Variants in MAGI1 observed in about 807,000 individuals in gnomAD.
The protein encoded by MAGI1 is membrane-associated guanylate kinase, WW and PDZ domain-containing protein 1.
In MAGI1, 58 loss-of-function variants were observed where a neutral mutation model predicts 139.9. That is an observed-to-expected ratio of 0.41 (90% CI 0.34 to 0.52). MAGI1 has a LOEUF of 0.52. MAGI1 is among the 20% of genes least tolerant of loss of function. The probability of loss-of-function intolerance (pLI) is 0.12; values close to 1 mark genes in which losing one functional copy is unlikely to be tolerated. For missense variants in MAGI1, 1,874 were observed against 1,901.6 expected (o/e 0.99, Z 0.27); for synonymous variants, 812 against 737.9 (o/e 1.10, Z -1.63).
At chr3:65,853,838 C>T (rs912710186) in intron 1 of MAGI1, among the ~76,000 whole-genome samples, 1 of 152,158 alleles carries the variant, frequency 6.6e-6, no homozygotes, top group Non-Finnish European at 1.5e-5. Context: ...GGTGTGGTGG[C>T]TCACATCTAT....
chr3:65,401,368 A>ACCCAGCCCCCCC, intron 13 of MAGI1, 71 bp downstream of exon 13: 1 of 1,323,564 alleles, frequency 7.6e-7, no homozygotes, highest in Non-Finnish European at 1.1e-6. Flanking sequence ...CACACAGAGT[A>ACCCAGCCCCCCC]CCCTCCCACC....
chr3:65,664,561 C>T (rs1466972800), intron 1 of MAGI1, among the ~76,000 whole-genome samples: 2 of 152,164 alleles, frequency 1.3e-5, no homozygotes, highest in Non-Finnish European at 2.9e-5. Flanking sequence ...TTTCTCATTC[C>T]AGTTTCTGTG....
At chr3:66,019,118 G>A (rs2067829519) in intron 1 of MAGI1, among the ~76,000 whole-genome samples, 1 of 152,160 alleles carries the variant, frequency 6.6e-6, no homozygotes, top group Non-Finnish European at 1.5e-5. Context: ...GCTCTCAAGT[G>A]ATTACACTCC....
chr3:65,422,675 A>G (rs1054250185), intron 12 of MAGI1, among the ~76,000 whole-genome samples: 3 of 152,192 alleles, frequency 2.0e-5, no homozygotes, highest in African/African-American at 7.2e-5. Context: ...GGTATAGTAC[A>G]TAAGAAAGAT....
At chr3:65,707,141 C>G (rs2030456816) in intron 1 of MAGI1, among the ~76,000 whole-genome samples, 1 of 152,212 alleles carries the variant, frequency 6.6e-6, no homozygotes, top group Non-Finnish European at 1.5e-5. Context: ...TTCCCAAAGT[C>G]TGACCAAACC....
At chr3:65,867,948 G>A (rs2059788078) in intron 1 of MAGI1, among the ~76,000 whole-genome samples, 1 of 152,076 alleles carries the variant, frequency 6.6e-6, no homozygotes, top group Admixed American at 6.5e-5. Flanking sequence ...TCCCAAAAGT[G>A]CCTCCTTGTA....
Position 65,439,898 on chromosome 3 carries a change from C to CTGCTGCTGCTGCTGCTGT in MAGI1, c.1233_1250dup (p.Gln416_Gln421dup). ...GCCAACCTTCTGTCTGCTGCTGCTG[C>CTGCTGCTGCTGCTGCTGT]TGCTGCTGCTGCTGCTGTTGCTGCT... On this transcript the variant is annotated inframe_insertion, in exon 9 of 23. Transcript: ENST00000402939. The CTGCTGCTGCTGCTGCTGT allele has an allele frequency of 2.5e-6, 4 of 1,609,086 alleles. No homozygotes were observed. The highest frequency in any genetic ancestry group is 2.2e-5 in the East Asian group (1 of 44,568).
At chr3:65,930,766 C>G (rs2062770000) in intron 1 of MAGI1, among the ~76,000 whole-genome samples, 1 of 152,078 alleles carries the variant, frequency 6.6e-6, no homozygotes, top group South Asian at 2.1e-4. Context: ...TCATTATATG[C>G]TTATTATAAT....
At position 65,519,335 on chromosome 3, in the gene MAGI1, GACAC is replaced by G. The variant is rs35232258; in HGVS notation, c.431-25708_431-25705del. Among the ~76,000 whole-genome samples the G allele has an allele frequency of 8.1e-3, 1,134 of 139,192 alleles. 13 individuals carry two copies. Among genetic ancestry groups the G allele is most frequent in the African/African-American group, 0.028 (1,021 of 36,408 alleles). The allele number at this position is 139,192 out of a possible 152,430, so 91.3% of individuals were successfully genotyped here. A position where few individuals can be genotyped will look rare whatever the true frequency, so the allele number is the denominator to read the frequency against. On this transcript the variant is annotated intron_variant, in intron 2 of 22. Transcript: ENST00000402939. The stretch of plus-strand genomic sequence containing the variant: ...TTTCATCACAGGAGTATCATGATCT[GACAC>G]ACACACACACACACACACACACACA...
intron 1 of MAGI1, among the ~76,000 whole-genome samples, chr3:66,037,345 G>A (rs1576548351): frequency 6.6e-6 from 1 of 151,992 alleles, no homozygotes; most frequent in East Asian, 1.9e-4. Flanking sequence ...GGTAAACTTG[G>A]ACCCGATTCG....
intron 5 of MAGI1, among the ~76,000 whole-genome samples, chr3:65,457,563 A>T (rs1949484899): frequency 6.6e-6 from 1 of 152,154 alleles, no homozygotes; most frequent in African/African-American, 2.4e-5. Flanking sequence ...TGACACCTGT[A>T]TTATTTTTTT....
intron 2 of MAGI1, among the ~76,000 whole-genome samples, chr3:65,548,291 C>A (rs960102289): frequency 2.0e-5 from 3 of 152,104 alleles, no homozygotes; most frequent in African/African-American, 4.8e-5. Context: ...CTTCCGCCCA[C>A]AGATGAAGCA....
chr3:65,758,618 CATT>C (rs1188125488), intron 1 of MAGI1, among the ~76,000 whole-genome samples: 1 of 152,094 alleles, frequency 6.6e-6, no homozygotes, highest in Non-Finnish European at 1.5e-5. Flanking sequence ...CGTCTGGAGA[CATT>C]ATTGGTTGTC....
intron 2 of MAGI1, among the ~76,000 whole-genome samples, chr3:65,496,987 A>T (rs6445482): frequency 0.58 from 88,391 of 151,772 alleles, 26,613 homozygotes; most frequent in East Asian, 0.95. Context: ...CCATTTGCAG[A>T]GATTGAGAAG....
At chr3:65,454,431 A>C (rs984747722) in intron 5 of MAGI1, among the ~76,000 whole-genome samples, 6 of 151,628 alleles carry the variant, frequency 4.0e-5, no homozygotes, top group Admixed American at 2.6e-4. Flanking sequence ...TCCTAATGCT[A>C]GATGACAAGT....
intron 1 of MAGI1, among the ~76,000 whole-genome samples, chr3:65,848,049 G>C (rs1028599316): frequency 6.6e-6 from 1 of 152,124 alleles, no homozygotes; most frequent in African/African-American, 2.4e-5. Context: ...ACCCTTCCCC[G>C]ATAGAAGAAC....
At chr3:65,704,605 G>A (rs1451196651) in intron 1 of MAGI1, among the ~76,000 whole-genome samples, 3 of 152,132 alleles carry the variant, frequency 2.0e-5, no homozygotes, top group African/African-American at 4.8e-5. Flanking sequence ...TTTGACAAAA[G>A]AGTCAATGGG....
intron 2 of MAGI1, among the ~76,000 whole-genome samples, chr3:65,593,275 T>C (rs2082045964): frequency 6.6e-6 from 1 of 152,224 alleles, no homozygotes; most frequent in African/African-American, 2.4e-5. Context: ...CTTACTGTCT[T>C]ATAGCCAAGT....
intron 2 of MAGI1, among the ~76,000 whole-genome samples, chr3:65,578,436 T>C (rs2108107657): frequency 6.6e-6 from 1 of 152,322 alleles, no homozygotes; most frequent in East Asian, 1.9e-4. Context: ...AAAAACATTT[T>C]TTGCAGGTTC....
Sources: gnomAD v4.1 joint callset for allele counts (sites outside exome capture counted in the v4.1 genomes callset) on GRCh38, gnomAD v4.1.1 for gene constraint, MANE v1.5 for transcripts, NCBI Gene and HGNC (gene_info 2026-07-23, HGNC 2026-07-21) for gene names.